The following CD55 variants were observed in gnomAD, a reference collection of about 807,000 sequenced individuals.
CD55 encodes the protein complement decay-accelerating factor.
CD55 carries 41 observed loss-of-function variants against 45.8 expected under a neutral mutation model. The ratio of observed to expected loss-of-function variants is 0.90; its 90% CI spans 0.70 to 1.16. The LOEUF is 1.16. Among genes scored for constraint, CD55 ranks in the 50% most tolerant of loss-of-function variants. CD55 has a pLI of 0.00. For missense variants in CD55, 416 were observed against 469.8 expected (o/e 0.89, Z 1.06); for synonymous variants, 181 against 181.1 (o/e 1.00, Z 0.01).
At chr1:207,344,176 G>A (rs1015963773) in intron 9 of CD55, among the ~76,000 whole-genome samples, 2 of 152,194 alleles carry the variant, frequency 1.3e-5, no homozygotes, top group African/African-American at 4.8e-5. Flanking sequence ...TTATTGATAT[G>A]TGAGGAATTA....
Position 207,359,617 on chromosome 1 carries a change from A to T in CD55, c.*7A>T. ...CATGGGCTTGCTGACTTAGCCAAAGAAGAGTTAAGAAGAAAATACACACAA... is the reference window on the plus strand; with the variant it reads ...CATGGGCTTGCTGACTTAGCCAAAGTAGAGTTAAGAAGAAAATACACACAA... On this transcript the variant is annotated 3_prime_UTR_variant, in exon 10 of 10. Transcript: ENST00000367064. 6.3e-7 allele frequency: 1 copy of T among 1,585,432 alleles called. No homozygotes were observed. The highest frequency in any genetic ancestry group is 8.5e-7 in the Non-Finnish European group (1 of 1,169,790).
intron 6 of CD55, among the ~76,000 whole-genome samples, chr1:207,333,954 G>C (rs567384069): frequency 5.6e-4 from 85 of 152,114 alleles, no homozygotes; most frequent in Middle Eastern, 3.4e-3. Flanking sequence ...GGGGAAGGAG[G>C]AGGAGGAGAA....
chr1:207,353,245 G>A (rs1305323856), intron 9 of CD55, among the ~76,000 whole-genome samples: 3 of 151,804 alleles, frequency 2.0e-5, no homozygotes, highest in Non-Finnish European at 1.5e-5. Context: ...CAATTAAGGT[G>A]CCGTGATTCC....
chr1:207,322,206 A>G (rs1466579896), intron 1 of CD55, 176 bp from the exon 2 acceptor site: 1 of 726,476 alleles, frequency 1.4e-6, no homozygotes, highest in African/African-American at 1.7e-5. Context: ...ATGGGAGGCC[A>G]GACCGCTGAC....
chr1:207,358,163 A>T (rs1157309043), intron 9 of CD55, among the ~76,000 whole-genome samples: 3 of 152,164 alleles, frequency 2.0e-5, no homozygotes, highest in Admixed American at 6.5e-5. Context: ...TGTCTTTTTT[A>T]TGTGCACATA....
intron 9 of CD55, chr1:207,346,988 AG>A (rs1160820917): frequency 2.4e-6 from 1 of 417,054 alleles, no homozygotes; most frequent in Non-Finnish European, 4.8e-6. Context: ...GAGTCTCTCC[AG>A]GCTTCCAGGC....
At chr1:207,343,078 CTT>C (rs1164803528) in intron 9 of CD55, among the ~76,000 whole-genome samples, 4 of 151,968 alleles carry the variant, frequency 2.6e-5, no homozygotes, top group South Asian at 4.1e-4. Flanking sequence ...GGGCTTCTCT[CTT>C]TTTTTCTTGG....
At position 207,336,747 on chromosome 1, in the gene CD55, A is replaced by T; in HGVS notation, c.908A>T (p.Asn303Ile). 1 of 1,613,926 alleles carries T rather than the reference A, an allele frequency of 6.2e-7. No individual in the cohort carries two copies. Among genetic ancestry groups the T allele is most frequent in the Middle Eastern group, 1.6e-4 (1 of 6,062 alleles). Residue 303 changes from asparagine to isoleucine, a missense_variant, in exon 7 of 10, where the codon AAT (asparagine) becomes ATT (isoleucine). Physicochemically the swap from Asn to Ile is moderately radical, Grantham distance 149. Coordinates refer to ENST00000367064, the MANE Select transcript of CD55 (RefSeq NM_000574.5). ...ACAGTTCAGAAACCTACCACAGTAA[A>T]TGTTCCAACTACAGAAGTCTCACCA... ...PPTVQKPTTVNVPTTEVSPTS... is the reference protein window; with the variant it reads ...PPTVQKPTTVIVPTTEVSPTS...
At chr1:207,347,291 G>T in intron 9 of CD55, 3 of 443,944 alleles carry the variant, frequency 6.8e-6, no homozygotes, top group Non-Finnish European at 1.4e-5. Context: ...ACGGAATCTC[G>T]CTCTGTCACC....
intron 6 of CD55, among the ~76,000 whole-genome samples, chr1:207,331,878 T>C (rs1057468850): frequency 1.3e-5 from 2 of 152,170 alleles, no homozygotes; most frequent in African/African-American, 4.8e-5. Flanking sequence ...AAAAGAAATA[T>C]TTAGAAGATC....
At chr1:207,349,336 C>T (rs1327194598) in intron 9 of CD55, among the ~76,000 whole-genome samples, 2 of 152,046 alleles carry the variant, frequency 1.3e-5, no homozygotes, top group Non-Finnish European at 2.9e-5. Context: ...GTGCACACCA[C>T]CACACCCAGC....
At chr1:207,339,476 A>G in intron 9 of CD55, 59 bp downstream of exon 9, 1 of 1,253,204 alleles carries the variant, frequency 8.0e-7, no homozygotes. Context: ...TATACAATCC[A>G]TATTCCTGGG....
In CD55 at chr1:207,336,592, T is replaced by C. The variant is rs28371625; in HGVS notation, c.854-101T>C. ...CCTGAAAGTCATACCTAGGTGTTTG[T>C]GGGGAGAGAGAAAGGATAGCCACAG... On this transcript the variant is annotated intron_variant, in intron 6 of 9. Coordinates refer to ENST00000367064, the MANE Select transcript of CD55 (RefSeq NM_000574.5). 1,759 of 1,351,000 alleles carry C rather than the reference T, an allele frequency of 1.3e-3. 2 individuals carry two copies. The highest frequency in any genetic ancestry group is 1.6e-3 in the Non-Finnish European group (1,588 of 976,638). 83.7% of individuals were successfully genotyped at this position (1,351,000 alleles called of 1,614,324 possible).
chr1:207,344,665 G>C (rs1655560200), intron 9 of CD55, among the ~76,000 whole-genome samples: 1 of 151,168 alleles, frequency 6.6e-6, no homozygotes, highest in Non-Finnish European at 1.5e-5. Flanking sequence ...AACTCTCTCT[G>C]TCTTTGACTT....
At chr1:207,331,060 A>C in intron 5 of CD55, 48 bp from the exon 6 acceptor site, 1 of 1,266,296 alleles carries the variant, frequency 7.9e-7, no homozygotes, top group Non-Finnish European at 1.1e-6. Flanking sequence ...TTGTAAAAAT[A>C]CTTTACTAGT....
At chr1:207,341,385 T>A (rs2484256) in intron 9 of CD55, among the ~76,000 whole-genome samples, 151,394 of 152,314 alleles carry the variant, frequency 0.99, 75,248 homozygotes, top group Non-Finnish European at 1. Context: ...TCTTCTAGTA[T>A]TTTTATAGTT....
intron 5 of CD55, among the ~76,000 whole-genome samples, chr1:207,330,608 A>C (rs1349385441): frequency 6.6e-6 from 1 of 152,148 alleles, no homozygotes; most frequent in Non-Finnish European, 1.5e-5. Context: ...TTAACTCTTA[A>C]ACATGCTGCT....
intron 6 of CD55, among the ~76,000 whole-genome samples, chr1:207,332,057 A>C (rs986208052): frequency 6.6e-6 from 1 of 152,096 alleles, no homozygotes; most frequent in African/African-American, 2.4e-5. Flanking sequence ...TATAAGTGTT[A>C]TACATAGACA....
At chr1:207,333,174 G>C (rs1254436595) in intron 6 of CD55, among the ~76,000 whole-genome samples, 1 of 152,214 alleles carries the variant, frequency 6.6e-6, no homozygotes, top group Non-Finnish European at 1.5e-5. Context: ...ATACCCACCA[G>C]AGGAACAGGC....
Sources: gnomAD v4.1 joint callset for allele counts (sites outside exome capture counted in the v4.1 genomes callset) on GRCh38, gnomAD v4.1.1 for gene constraint, MANE v1.5 for transcripts, NCBI Gene and HGNC (gene_info 2026-07-23, HGNC 2026-07-21) for gene names.